FNDC3A: variants seen among roughly 807,000 people sequenced by gnomAD.
FNDC3A encodes fibronectin type-III domain-containing protein 3A.
FNDC3A carries 32 observed loss-of-function variants against 148.9 expected under a neutral mutation model. That is an observed-to-expected ratio of 0.21 (90% CI 0.16 to 0.29). The LOEUF (loss-of-function observed/expected upper bound fraction) is 0.29, where lower values mean the gene tolerates loss of function less well. Among genes scored for constraint, FNDC3A ranks in the 10% least tolerant of loss-of-function variants. FNDC3A has a pLI of 1.00. For missense variants in FNDC3A, 1,191 were observed against 1,452.8 expected, an observed-to-expected ratio of 0.82 and a Z score of 2.93; for synonymous variants, 472 against 473.6, an observed-to-expected ratio of 1.00 and a Z score of 0.04.
intron 2 of FNDC3A, among the ~76,000 whole-genome samples, chr13:49,039,125 G>A (rs146523803): frequency 1.4e-3 from 211 of 152,198 alleles, no homozygotes; most frequent in African/African-American, 4.9e-3. Context: ...AAGAAACTTA[G>A]ACTGATAGAT....
At position 49,207,400 on chromosome 13, in the gene FNDC3A, A is replaced by G; in HGVS notation, c.*5A>G. ...CAGTACTTTGTAATCAAGTGAAAAT[A>G]TAACTTTATTTTTTAACTCTATTAC... On this transcript the variant is annotated 3_prime_UTR_variant, in exon 26 of 26. Transcript: ENST00000492622. The G allele has an allele frequency of 4.0e-6, 6 of 1,513,024 alleles. No homozygotes were observed. Among genetic ancestry groups the G allele is most frequent in the Non-Finnish European group, 5.4e-6 (6 of 1,102,760 alleles). 93.7% of individuals were successfully genotyped at this position (1,513,024 alleles called of 1,614,324 possible).
Position 49,136,342 on chromosome 13 carries a change from T to A in FNDC3A, c.501T>A (p.Ser167=). 6.2e-7 allele frequency: 1 copy of A among 1,613,942 alleles called. No homozygotes were observed. Among genetic ancestry groups the A allele is most frequent in the Non-Finnish European group, 8.5e-7 (1 of 1,179,850 alleles). The part of the protein sequence containing the change: ...SQVYGDVDAH[S]THGRSNFRDE... ...TTTATTGCCTCCTAGATGCTCACTC[T>A]ACACATGGAAGGTCCAACTTTAGAG... The change falls in exon 6 of 26, where the codon TCT becomes TCA. Residue 167 remains serine (S), a synonymous_variant. Transcript: ENST00000492622.
chr13:48,987,377 C>G (rs1566175295), intron 1 of FNDC3A, among the ~76,000 whole-genome samples: 2 of 152,210 alleles, frequency 1.3e-5, no homozygotes, highest in Non-Finnish European at 2.9e-5. Flanking sequence ...AGTTTCCTGA[C>G]TGGAAGTATC....
At chr13:49,199,849 A>G (rs1296701009) in intron 23 of FNDC3A, among the ~76,000 whole-genome samples, 2 of 152,216 alleles carry the variant, frequency 1.3e-5, no homozygotes, top group African/African-American at 4.8e-5. Flanking sequence ...TGAATTAGAA[A>G]GAACCTAATT....
At chr13:49,142,943 C>T (rs1462520496) in intron 7 of FNDC3A, among the ~76,000 whole-genome samples, 1 of 152,184 alleles carries the variant, frequency 6.6e-6, no homozygotes, top group Non-Finnish European at 1.5e-5. Context: ...TTTCAGCTTG[C>T]TGCAACCTCT....
chr13:49,110,300 C>CA (rs372720819), intron 3 of FNDC3A: 72,441 of 1,170,784 alleles, frequency 0.062, 29 homozygotes, highest in Non-Finnish European at 0.066. Context: ...TACAGCCTTG[C>CA]AAAAAAAAAA....
intron 2 of FNDC3A, chr13:49,045,737 A>G (rs1157239434): frequency 5.7e-6 from 5 of 876,836 alleles, no homozygotes; most frequent in Admixed American, 2.8e-5. Flanking sequence ...CCCTGTCAGG[A>G]TGTTTTCTTT....
At chr13:49,093,338 A>G (rs1879311135) in intron 3 of FNDC3A, among the ~76,000 whole-genome samples, 1 of 152,162 alleles carries the variant, frequency 6.6e-6, no homozygotes, top group African/African-American at 2.4e-5. Context: ...TTGCACAGAT[A>G]TTGCCTTATA....
intron 2 of FNDC3A, among the ~76,000 whole-genome samples, chr13:49,048,305 T>G (rs981548030): frequency 1.3e-5 from 2 of 152,140 alleles, no homozygotes; most frequent in African/African-American, 4.8e-5. Flanking sequence ...TTAGGATTTT[T>G]TTTTAAGTTC....
chr13:49,122,177 G>T (rs926453450), intron 4 of FNDC3A, among the ~76,000 whole-genome samples: 7 of 152,122 alleles, frequency 4.6e-5, no homozygotes, highest in Non-Finnish European at 8.8e-5. Flanking sequence ...TCATCCCTGG[G>T]ATGCAAGGCT....
chr13:49,088,572 G>A (rs1297327801), intron 3 of FNDC3A, among the ~76,000 whole-genome samples: 1 of 152,168 alleles, frequency 6.6e-6, no homozygotes, highest in Non-Finnish European at 1.5e-5. Flanking sequence ...TGACCTCAGT[G>A]TATTATTTGA....
At chr13:49,187,714 G>C in intron 16 of FNDC3A, 1 of 1,374,638 alleles carries the variant, frequency 7.3e-7, no homozygotes, top group Non-Finnish European at 1.0e-6. Context: ...ACCGAGGACG[G>C]ATGAAATGGC....
At chr13:49,022,187 T>C (rs1030218361) in intron 2 of FNDC3A, among the ~76,000 whole-genome samples, 1 of 152,136 alleles carries the variant, frequency 6.6e-6, no homozygotes, top group African/African-American at 2.4e-5. Context: ...AGACCCTTCA[T>C]CGAGAATTGT....
At chr13:49,057,461 A>G (rs1021631344) in intron 2 of FNDC3A, among the ~76,000 whole-genome samples, 1 of 151,782 alleles carries the variant, frequency 6.6e-6, no homozygotes, top group African/African-American at 2.4e-5. Flanking sequence ...TAAACTCTCA[A>G]CTTCTACTTG....
intron 19 of FNDC3A, among the ~76,000 whole-genome samples, chr13:49,192,113 A>C (rs763037674): frequency 4.5e-4 from 68 of 152,226 alleles, no homozygotes; most frequent in Non-Finnish European, 8.1e-4. Flanking sequence ...CCCTAAGGAC[A>C]AAGCAGTAAT....
At chr13:48,979,439 G>A (rs1397278793) in intron 1 of FNDC3A, among the ~76,000 whole-genome samples, 1 of 152,152 alleles carries the variant, frequency 6.6e-6, no homozygotes, top group East Asian at 1.9e-4. Flanking sequence ...ATAACAAAAG[G>A]AAAGGCATTC....
chr13:49,122,611 C>G (rs1881427061), intron 4 of FNDC3A, among the ~76,000 whole-genome samples: 1 of 152,118 alleles, frequency 6.6e-6, no homozygotes, highest in Admixed American at 6.5e-5. Context: ...ATCGTCTCAG[C>G]CCAAAATCTC....
intron 3 of FNDC3A, among the ~76,000 whole-genome samples, chr13:49,097,243 A>G (rs1402499634): frequency 1.3e-5 from 2 of 152,068 alleles, no homozygotes; most frequent in Non-Finnish European, 2.9e-5. Flanking sequence ...TTCACAGACA[A>G]GAAGAACTAT....
intron 19 of FNDC3A, among the ~76,000 whole-genome samples, chr13:49,194,429 A>G (rs1235057019): frequency 6.6e-6 from 1 of 152,240 alleles, no homozygotes; most frequent in Admixed American, 6.5e-5. Flanking sequence ...AAGCAGGCGC[A>G]TTATATCACC....
Sources: gnomAD v4.1 joint callset for allele counts (sites outside exome capture counted in the v4.1 genomes callset) on GRCh38, gnomAD v4.1.1 for gene constraint, MANE v1.5 for transcripts, NCBI Gene and HGNC (gene_info 2026-07-23, HGNC 2026-07-21) for gene names.